Variants in IL23R observed in about 807,000 individuals in gnomAD.
IL23R encodes the protein interleukin-23 receptor.
A neutral mutation model predicts 56.9 loss-of-function variants in IL23R; 34 were observed. The observed-to-expected ratio is 0.60, with a 90% CI of 0.45 to 0.80. The LOEUF (loss-of-function observed/expected upper bound fraction) is 0.80, where lower values mean the gene tolerates loss of function less well. Among genes scored for constraint, IL23R ranks in the 30% least tolerant of loss-of-function variants. The pLI is 0.00. For synonymous variants in IL23R, 230 were observed against 249.2 expected, an observed-to-expected ratio of 0.92 and a Z score of 0.73; for missense variants, 635 against 730.0, an observed-to-expected ratio of 0.87 and a Z score of 1.50.
At chr1:67,142,716 C>T (rs1166650676) in intron 1 of IL23R, among the ~76,000 whole-genome samples, 1 of 152,142 alleles carries the variant, frequency 6.6e-6, no homozygotes, top group Non-Finnish European at 1.5e-5. Context: ...CAGGTGTGTG[C>T]CACCAAGCCC....
downstream of IL23R, among the ~76,000 whole-genome samples, chr1:67,264,216 G>T (rs1188348075): frequency 6.6e-6 from 1 of 152,212 alleles, no homozygotes; most frequent in Non-Finnish European, 1.5e-5. Context: ...TGCTAATAGA[G>T]GCAGTTCTAT....
chr1:67,143,866 G>T (rs77689282), intron 1 of IL23R, among the ~76,000 whole-genome samples: 1,549 of 152,306 alleles, frequency 0.01, 34 homozygotes, highest in African/African-American at 0.036. Flanking sequence ...GTTTGTGTGT[G>T]TATGTGTGTG....
At position 67,207,070 on chromosome 1, in the gene IL23R, C is replaced by T; in HGVS notation, c.798+15C>T. On this transcript the variant is annotated intron_variant, in intron 6 of 10. Coordinates refer to ENST00000347310, the MANE Select transcript of IL23R (RefSeq NM_144701.3). The stretch of plus-strand genomic sequence containing the variant: ...AAACTTGGAATGTAAGCTCAACTTT[C>T]ATTATGCTTTAGCATGTGAATGAAT... The T allele has an allele frequency of 3.7e-6, 6 of 1,613,454 alleles. No individual in the cohort carries two copies. Among genetic ancestry groups the T allele is most frequent in the Non-Finnish European group, 4.2e-6 (5 of 1,179,516 alleles).
chr1:67,193,511 TG>T (rs1240444946), intron 4 of IL23R, among the ~76,000 whole-genome samples: 6 of 152,200 alleles, frequency 3.9e-5, no homozygotes, highest in Non-Finnish European at 8.8e-5. Flanking sequence ...AAATCTGCAA[TG>T]TTTTTTGAAA....
At chr1:67,179,205 C>G (rs905065583) in intron 3 of IL23R, among the ~76,000 whole-genome samples, 1 of 152,142 alleles carries the variant, frequency 6.6e-6, no homozygotes, top group Non-Finnish European at 1.5e-5. Flanking sequence ...CCAGCTTCTT[C>G]TTGTACCTCT....
chr1:67,142,085 T>A (rs980985651), intron 1 of IL23R, among the ~76,000 whole-genome samples: 2 of 152,156 alleles, frequency 1.3e-5, no homozygotes, highest in African/African-American at 4.8e-5. Flanking sequence ...AAGGGAGAGA[T>A]AAGGCTCACT....
rs1652952459 is a variant in IL23R at position 67,256,408 on chromosome 1, T to A, written c.1239+481T>A. Among the ~76,000 whole-genome samples the A allele has an allele frequency of 2.0e-5, 3 of 152,168 alleles. No homozygotes were observed. In the South Asian group the frequency reaches 6.2e-4, roughly 32 times the overall value. ...TGTGAGAGAACTGTGAACAATAGTG[T>A]CACAGGGGTGGGCTAGGTTTCCATT... On this transcript the variant is annotated intron_variant, in intron 10 of 10. Transcript: ENST00000347310.
intron 1 of IL23R, among the ~76,000 whole-genome samples, chr1:67,142,471 A>C (rs1427069728): frequency 6.6e-6 from 1 of 152,190 alleles, no homozygotes; most frequent in African/African-American, 2.4e-5. Context: ...TGGCAGAAAC[A>C]CTTTTGTGTT....
At chr1:67,150,164 T>C (rs1345732475) in intron 1 of IL23R, among the ~76,000 whole-genome samples, 4 of 152,002 alleles carry the variant, frequency 2.6e-5, no homozygotes, top group African/African-American at 9.7e-5. Context: ...CAAATTTATA[T>C]ATCCAGCTTG....
chr1:67,234,765 T>A (rs544929646), intron 7 of IL23R, among the ~76,000 whole-genome samples: 1 of 138,688 alleles, frequency 7.2e-6, no homozygotes, highest in South Asian at 2.3e-4. Flanking sequence ...TGGAGTGCAG[T>A]GGTGTGATCT....
At chr1:67,233,930 TGTGTG>T (rs1402850460) in intron 7 of IL23R, among the ~76,000 whole-genome samples, 529 of 5,950 alleles carry the variant, frequency 0.089, 3 homozygotes, top group African/African-American at 0.12. Flanking sequence ...TCATAAAGGC[TGTGTG>T]TGTGTGTGTG....
At chr1:67,233,929 CTGTGTGTGTGTGTG>C (rs57455484) in intron 7 of IL23R, among the ~76,000 whole-genome samples, 34 of 138,690 alleles carry the variant, frequency 2.5e-4, no homozygotes, top group African/African-American at 7.1e-4. Context: ...GTCATAAAGG[CTGTGTGTGTGTGTG>C]TGTGTGTGTG....
chr1:67,196,553 G>T (rs575288831), intron 4 of IL23R, among the ~76,000 whole-genome samples: 343 of 152,126 alleles, frequency 2.3e-3, no homozygotes, highest in African/African-American at 7.9e-3. Flanking sequence ...AAAAATAGAA[G>T]AAAATAAGAA....
intron 9 of IL23R, among the ~76,000 whole-genome samples, chr1:67,252,438 G>A (rs1652684237): frequency 6.6e-6 from 1 of 152,108 alleles, no homozygotes; most frequent in Admixed American, 6.6e-5. Flanking sequence ...ACCCAGTCCA[G>A]TTTCTGTTGT....
chr1:67,221,503 ATTAG>A (rs1650251136), intron 7 of IL23R, among the ~76,000 whole-genome samples: 1 of 152,208 alleles, frequency 6.6e-6, no homozygotes, highest in Non-Finnish European at 1.5e-5. Context: ...TTCTAATATT[ATTAG>A]TTTAATTTTA....
In IL23R at chr1:67,169,647, TG is replaced by T. The variant is rs770288306; in HGVS notation, c.367+13del. The T allele has an allele frequency of 2.5e-6, 4 of 1,613,010 alleles. No homozygotes were observed. The highest frequency in any genetic ancestry group is 3.4e-6 in the Non-Finnish European group (4 of 1,179,176). ...AGACATTTCTTCTGGATGTAAGTGT[TG>T]GGGCACATTTGAAATGCAAACAAAA... On this transcript the variant is annotated intron_variant, in intron 3 of 10. Transcript: ENST00000347310.
intron 9 of IL23R, among the ~76,000 whole-genome samples, chr1:67,242,102 A>G (rs1651890929): frequency 6.6e-6 from 1 of 152,198 alleles, no homozygotes; most frequent in African/African-American, 2.4e-5. Flanking sequence ...TACATTTCTA[A>G]TCAGTGCCTC....
rs764978678 is a variant in IL23R, at chr1:67,240,300, TC to T, written c.1148+20del. ...GAACTGGGTAGGTTTTTGCAGAATTTCTGTTTTCTGATTTAGACTACATGTA... is the reference window on the plus strand; with the variant it reads ...GAACTGGGTAGGTTTTTGCAGAATTTTGTTTTCTGATTTAGACTACATGTA... On this transcript the variant is annotated intron_variant, in intron 9 of 10. Transcript: ENST00000347310. 6.5e-7 allele frequency: 1 copy of T among 1,540,112 alleles called. No individual in the cohort carries two copies. The highest frequency in any genetic ancestry group is 9.0e-7 in the Non-Finnish European group (1 of 1,113,608).
At chr1:67,180,919 C>A (rs143642580) in intron 3 of IL23R, among the ~76,000 whole-genome samples, 3,209 of 152,254 alleles carry the variant, frequency 0.021, 100 homozygotes, top group African/African-American at 0.073. Context: ...GTTGAAAATT[C>A]TTTTCTTTAA....
Sources: allele counts gnomAD v4.1 joint callset (sites outside exome capture counted in the v4.1 genomes callset), GRCh38; gene constraint gnomAD v4.1.1; transcripts MANE v1.5; gene names NCBI Gene and HGNC (gene_info 2026-07-23, HGNC 2026-07-21).